The following MGST1 variants were observed in gnomAD, a reference collection of about 807,000 sequenced individuals.
The protein encoded by MGST1 is glutathione S-transferase 12.
Under a neutral mutation model 8.9 loss-of-function variants are expected in MGST1, and 5 were observed. The ratio of observed to expected loss-of-function variants is 0.56; its 90% CI spans 0.29 to 1.19. The LOEUF (loss-of-function observed/expected upper bound fraction) is 1.19. Among genes scored for constraint, MGST1 ranks in the 50% most tolerant of loss-of-function variants. The pLI is 0.08. For missense variants in MGST1, 182 were observed against 187.4 expected, an observed-to-expected ratio of 0.97 and a Z score of 0.17; for synonymous variants, 54 against 67.8, an observed-to-expected ratio of 0.80 and a Z score of 1.00.
chr12:16,457,572 T>C (rs1296660838), intron 4 of MGST1, among the ~76,000 whole-genome samples: 3 of 151,974 alleles, frequency 2.0e-5, no homozygotes, highest in East Asian at 1.9e-4. Flanking sequence ...TATATTAGCA[T>C]TGGTCCATCT....
At chr12:16,364,811 A>G (rs1940154934), downstream of MGST1, among the ~76,000 whole-genome samples, 1 of 152,118 alleles carries the variant, frequency 6.6e-6, no homozygotes, top group South Asian at 2.1e-4. The surrounding 1 kb of genome is among the most constrained non-coding windows in gnomAD (Gnocchi z 5.7). Context: ...AAGATCAAAC[A>G]TTGCCTTCTG....
chr12:16,380,029 C>G (rs1386193593), downstream of MGST1, among the ~76,000 whole-genome samples: 4 of 152,038 alleles, frequency 2.6e-5, no homozygotes, highest in Non-Finnish European at 4.4e-5. Context: ...CTATTTGATT[C>G]TTTTTTCTTC....
rs532043426 is a variant in MGST1, at chr12:16,387,434, C to A, written n.778+3830C>A. ...AAAAGCGAACAAGTAATGTCCTAGG[C>A]CTTCGCATTCACTGCCCACTCACTC... On this transcript the variant is annotated intron_variant and non_coding_transcript_variant, in intron 1 of 1. Transcript: ENST00000359720. 2.0e-5 allele frequency among the ~76,000 whole-genome samples: 3 copies of A among 152,282 alleles called. No homozygotes were observed. The South Asian group carries it at 6.2e-4, about 32-fold the overall frequency.
At chr12:16,404,539 T>C (rs1016319279) in intron 1 of MGST1, among the ~76,000 whole-genome samples, 1 of 151,990 alleles carries the variant, frequency 6.6e-6, no homozygotes, top group East Asian at 1.9e-4. Flanking sequence ...ATATACTCTG[T>C]TTATATAATA....
Position 16,578,772 on chromosome 12 carries a change from C to T in MGST1, n.483-10756C>T, listed in dbSNP as rs370227621. Among the ~76,000 whole-genome samples, 24 of 151,798 alleles carry T rather than the reference C, an allele frequency of 1.6e-4. No individual in the cohort carries two copies. In the South Asian group the frequency reaches 3.1e-3, roughly 20 times the overall value. On this transcript the variant is annotated intron_variant and non_coding_transcript_variant, in intron 4 of 4. Transcript: ENST00000538857. ...GGCGGAGTTTGCAGTGAGCCGAGAT[C>T]GAGCCACTGAACTCCAGCCTGGGAG...
chr12:16,353,049 G>T (rs1460748268), intron 1 of MGST1, among the ~76,000 whole-genome samples: 2 of 150,680 alleles, frequency 1.3e-5, no homozygotes, highest in African/African-American at 4.9e-5. Flanking sequence ...TTTTTTGGAG[G>T]GGGAGACAGA....
At chr12:16,398,709 A>T (rs772645022) in intron 1 of MGST1, among the ~76,000 whole-genome samples, 37 of 152,258 alleles carry the variant, frequency 2.4e-4, no homozygotes, top group Non-Finnish European at 5.4e-4. Flanking sequence ...GCAAGGAAGC[A>T]GGAAAACTCG....
chr12:16,545,678 A>G (rs539661227), intron 4 of MGST1, among the ~76,000 whole-genome samples: 1 of 152,206 alleles, frequency 6.6e-6, no homozygotes, highest in Non-Finnish European at 1.5e-5. Flanking sequence ...TGCTATATGA[A>G]GAATCCTCTA....
At chr12:16,590,724 T>G (rs1351715237), downstream of MGST1, among the ~76,000 whole-genome samples, 1 of 152,068 alleles carries the variant, frequency 6.6e-6, no homozygotes, top group Admixed American at 6.6e-5. Context: ...TTCCTTGAAT[T>G]TCACATTGAA....
intron 1 of MGST1, among the ~76,000 whole-genome samples, chr12:16,352,973 A>G (rs887268307): frequency 6.6e-6 from 1 of 152,050 alleles, no homozygotes; most frequent in Non-Finnish European, 1.5e-5. Flanking sequence ...GGGCCAGTCC[A>G]TATTTTATCT....
intron 1 of MGST1, among the ~76,000 whole-genome samples, chr12:16,390,726 T>C (rs867807469): frequency 1.8e-4 from 27 of 152,336 alleles, no homozygotes; most frequent in African/African-American, 6.3e-4. Flanking sequence ...AGCATTTAGG[T>C]TGATTCCCTG....
At chr12:16,435,324 T>G (rs980167044) in intron 1 of MGST1, among the ~76,000 whole-genome samples, 3 of 151,980 alleles carry the variant, frequency 2.0e-5, no homozygotes, top group South Asian at 2.1e-4. Flanking sequence ...TTCCTAGATT[T>G]CTACTTATAG....
downstream of MGST1, chr12:16,364,410 A>AT (rs1388383291): frequency 3.0e-6 from 3 of 985,770 alleles, no homozygotes; most frequent in African/African-American, 5.2e-5. This position sits in a 1 kb window ranked among gnomAD's most constrained non-coding sequence, Gnocchi z 5.7. Context: ...TTAAAGAATG[A>AT]TTTTGTTTGG....
intron 4 of MGST1, among the ~76,000 whole-genome samples, chr12:16,566,030 A>G (rs1390043888): frequency 8.5e-5 from 7 of 82,114 alleles, no homozygotes; most frequent in African/African-American, 1.4e-4. Context: ...ATATATATAT[A>G]TATATATATA....
At chr12:16,485,592 G>A (rs781258201) in intron 4 of MGST1, among the ~76,000 whole-genome samples, 12 of 151,960 alleles carry the variant, frequency 7.9e-5, no homozygotes, top group African/African-American at 2.2e-4. Flanking sequence ...ATCTTTTACC[G>A]TTCTCACTAT....
Position 16,402,178 on chromosome 12 carries a change from C to CT in MGST1, n.778+18583dup, listed in dbSNP as rs532785094. The CT allele has an allele frequency of 1.2e-3, 1,743 of 1,514,790 alleles. 1 individual carries two copies. Among genetic ancestry groups the CT allele is most frequent in the Middle Eastern group, 2.0e-3 (11 of 5,416 alleles). 93.8% of individuals were successfully genotyped at this position (1,514,790 alleles called of 1,614,324 possible). A position where few individuals can be genotyped will look rare whatever the true frequency, so the allele number is the denominator to read the frequency against. Reference sequence around the variant, plus strand: ...TTGGCAATTTGTTTCAAAAACTCCACTTTTTTTTTGCTGGCCATAAAGATG... The same window carrying CT: ...TTGGCAATTTGTTTCAAAAACTCCACTTTTTTTTTTGCTGGCCATAAAGATG... On this transcript the variant is annotated intron_variant and non_coding_transcript_variant, in intron 1 of 1. Transcript: ENST00000359720.
chr12:16,381,360 G>T (rs531526454), downstream of MGST1, among the ~76,000 whole-genome samples: 4 of 152,244 alleles, frequency 2.6e-5, no homozygotes, highest in South Asian at 8.3e-4. Flanking sequence ...CTCAGCATTT[G>T]CTTGTCTGTA....
intron 1 of MGST1, among the ~76,000 whole-genome samples, chr12:16,396,711 T>G (rs114774006): frequency 0.012 from 1,882 of 152,106 alleles, 33 homozygotes; most frequent in African/African-American, 0.043. Context: ...AAAAAATACT[T>G]AGGAATATAT....
rs1940631449 is a variant in MGST1 at position 16,399,192 on chromosome 12, A to C, written n.778+15588A>C. 3 of 1,320,418 alleles carry C rather than the reference A, an allele frequency of 2.3e-6. No homozygotes were observed. In the South Asian group the frequency reaches 4.0e-5, roughly 18 times the overall value. The allele number at this position is 1,320,418 out of a possible 1,614,324, so 81.8% of individuals were successfully genotyped here. On this transcript the variant is annotated intron_variant and non_coding_transcript_variant, in intron 1 of 1. Coordinates refer to the MGST1 transcript ENST00000359720. The stretch of plus-strand genomic sequence containing the variant: ...TGGCAAAACTTCAAATGAAAACAAA[A>C]GGAAAAATACAGTTTCTATGTCATG...
Sources: gnomAD v4.1 joint callset for allele counts (sites outside exome capture counted in the v4.1 genomes callset) on GRCh38, gnomAD v4.1.1 for gene constraint, Gnocchi (gnomAD v3.1) non-coding constraint, MANE v1.5 for transcripts, NCBI Gene and HGNC (gene_info 2026-07-23, HGNC 2026-07-21) for gene names.